The following SPI1 variants were observed in gnomAD, a reference collection of about 807,000 sequenced individuals.
SPI1 encodes transcription factor PU.1.
A neutral mutation model predicts 30.7 loss-of-function variants in SPI1; 3 were observed. The ratio of observed to expected loss-of-function variants is 0.10; its 90% CI spans 0.04 to 0.25. The LOEUF (loss-of-function observed/expected upper bound fraction) is 0.25, where lower values mean the gene tolerates loss of function less well. Ranked by LOEUF, SPI1 falls within the 10% of genes least tolerant of loss-of-function variation. The pLI is 1.00. For missense variants in SPI1, 261 were observed against 371.5 expected, an observed-to-expected ratio of 0.70 and a Z score of 2.45; for synonymous variants, 169 against 157.1, an observed-to-expected ratio of 1.08 and a Z score of -0.56.
Position 47,365,647 on chromosome 11 carries a change from A to G in SPI1, c.143-5607T>C, listed in dbSNP as rs575315244. 2.6e-5 allele frequency among the ~76,000 whole-genome samples: 4 copies of G among 152,126 alleles called. No homozygotes were observed. The South Asian group carries it at 6.2e-4, about 24-fold the overall frequency. Reference sequence around the variant, plus strand: ...CTATACCATAGCACCTCTGAGAAACAAGATGATTAATGAAAACTTTCAGTA... The same window carrying G: ...CTATACCATAGCACCTCTGAGAAACGAGATGATTAATGAAAACTTTCAGTA... On this transcript the variant is annotated intron_variant, in intron 2 of 4. Transcript: ENST00000378538.
At chr11:47,367,540 T>G (rs2142891669) in intron 2 of SPI1, among the ~76,000 whole-genome samples, 2 of 109,714 alleles carry the variant, frequency 1.8e-5, no homozygotes, top group East Asian at 2.5e-4. Context: ...GGCGACAGAG[T>G]GAGACTCTGC....
intron 4 of SPI1, 122 bp downstream of exon 4, chr11:47,358,722 C>T: frequency 1.0e-6 from 1 of 971,250 alleles, no homozygotes; most frequent in Non-Finnish European, 1.6e-6. Context: ...CACTGGCAAA[C>T]ATGCACACAC....
intron 4 of SPI1, among the ~76,000 whole-genome samples, chr11:47,357,248 A>T (rs544361692): frequency 6.7e-6 from 1 of 150,174 alleles, no homozygotes; most frequent in African/African-American, 2.5e-5. Context: ...CACATCACAC[A>T]TACCTGCTCA....
chr11:47,371,448 C>G (rs1484160100), intron 2 of SPI1, among the ~76,000 whole-genome samples: 1 of 10,344 alleles, frequency 9.7e-5, no homozygotes, highest in East Asian at 3.1e-3. Flanking sequence ...AGGAGGATCA[C>G]CTGAGGTCAG....
In SPI1 at chr11:47,355,557, G is replaced by C. The variant is rs764266471; in HGVS notation, c.494-11C>G. 46 of 1,559,378 alleles carry C rather than the reference G, an allele frequency of 2.9e-5. No individual in the cohort carries two copies. The Admixed American group carries it at 8.0e-4, about 27-fold the overall frequency. On this transcript the variant is annotated splice_polypyrimidine_tract_variant and intron_variant, in intron 4 of 4. Transcript: ENST00000378538. ...TCTTCTTCTTGCTGCCTGCGGGGGGGAGGGCCCGGTGGGAGGGGGCCCGGG... is the reference window on the plus strand; with the variant it reads ...TCTTCTTCTTGCTGCCTGCGGGGGGCAGGGCCCGGTGGGAGGGGGCCCGGG...
rs918981118 is a variant in SPI1, at chr11:47,378,237, G to T, written c.45+72C>A. 9 of 1,512,216 alleles carry T rather than the reference G, an allele frequency of 6.0e-6. No individual in the cohort carries two copies. In the East Asian group the frequency reaches 1.4e-4, roughly 23 times the overall value. The allele number at this position is 1,512,216 out of a possible 1,614,324, so 93.7% of individuals were successfully genotyped here. On this transcript the variant is annotated intron_variant, in intron 1 of 4. Transcript: ENST00000378538. Reference sequence around the variant, plus strand: ...AGCCAGGAGGGCAGTGGGTGGGCTGGCGGGTTCGTGGGCAGGCAGGCAGGC... The same window carrying T: ...AGCCAGGAGGGCAGTGGGTGGGCTGTCGGGTTCGTGGGCAGGCAGGCAGGC...
intron 1 of SPI1, among the ~76,000 whole-genome samples, chr11:47,377,196 T>TC (rs2095943576): frequency 6.6e-6 from 1 of 152,160 alleles, no homozygotes; most frequent in African/African-American, 2.4e-5. Context: ...TAGTACAGCC[T>TC]CGCTGCAGGA....
At chr11:47,367,040 TTAGA>T (rs2095929345) in intron 2 of SPI1, among the ~76,000 whole-genome samples, 3 of 152,150 alleles carry the variant, frequency 2.0e-5, no homozygotes, top group Admixed American at 2.0e-4. Flanking sequence ...TATATATTTA[TTAGA>T]TGGATAGGCC....
intron 4 of SPI1, 135 bp from the exon 5 acceptor site, chr11:47,355,681 G>T (rs1295664779): frequency 7.2e-6 from 5 of 694,420 alleles, no homozygotes; most frequent in Admixed American, 6.1e-5. Flanking sequence ...AGCCCGCGCC[G>T]GGCGTGCATA....
At chr11:47,357,032 C>T (rs1429726693) in intron 4 of SPI1, among the ~76,000 whole-genome samples, 2 of 151,252 alleles carry the variant, frequency 1.3e-5, no homozygotes, top group African/African-American at 4.9e-5. Context: ...CACCAAGTCT[C>T]ACACACACTT....
rs1023076391 is a variant in SPI1 at position 47,375,140 on chromosome 11, C to T, written c.142+493G>A. On this transcript the variant is annotated intron_variant, in intron 2 of 4. Transcript: ENST00000378538. The surrounding 1 kb of genome is among the most constrained non-coding windows in gnomAD (Gnocchi z 4.2). ...CCAGGAATCATCCCACCCAAAATGT[C>T]AGCAGTGCCACAGTTAGGAAACCCT... Among the ~76,000 whole-genome samples the T allele has an allele frequency of 6.6e-6, 1 of 152,188 alleles. No homozygotes were observed. Among genetic ancestry groups the T allele is most frequent in the Admixed American group, 6.5e-5 (1 of 15,280 alleles).
In SPI1 at chr11:47,359,945, G is replaced by T; in HGVS notation, c.238C>A (p.Gln80Lys). Residue 80 changes from glutamine to lysine, a missense_variant, in exon 3 of 5, where the codon CAG becomes AAG. Gln to Lys is a moderately conservative substitution (Grantham distance 53, BLOSUM62 1). Around this residue, in one of 5 missense-constraint regions of SPI1, gnomAD observed 10 missense variants for 31.6 expected, o/e 0.32. Transcript: ENST00000378538. The surrounding 1 kb of genome is among the most constrained non-coding windows in gnomAD (Gnocchi z 5.1). ...FTELQSVQPPQLQQLYRHMEL... is the reference protein window; with the variant it reads ...FTELQSVQPPKLQQLYRHMEL... ...ATGTGGCGGTAGAGCTGCTGCAGCT[G>T]CGGGGGCTGCACGCTCTGGAGCTCC... The T allele has an allele frequency of 6.2e-7, 1 of 1,611,774 alleles. No homozygotes were observed.
intron 4 of SPI1, among the ~76,000 whole-genome samples, chr11:47,357,337 GCTCA>G (rs1226070078): frequency 3.3e-5 from 3 of 91,312 alleles, no homozygotes; most frequent in Non-Finnish European, 6.8e-5. Context: ...ATTGACACCT[GCTCA>G]CTCATATTTC....
At chr11:47,358,566 C>T (rs575487687) in intron 4 of SPI1, 25 of 700,444 alleles carry the variant, frequency 3.6e-5, no homozygotes, top group South Asian at 3.4e-4. Flanking sequence ...ACCCTCTGCA[C>T]ACTTGCTCAC....
At chr11:47,357,931 C>T (rs2095914138) in intron 4 of SPI1, among the ~76,000 whole-genome samples, 1 of 151,934 alleles carries the variant, frequency 6.6e-6, no homozygotes, top group African/African-American at 2.4e-5. Flanking sequence ...CATACCTGTT[C>T]ACACACATGC....
chr11:47,357,099 A>ACT (rs1220718439), intron 4 of SPI1, among the ~76,000 whole-genome samples: 1 of 147,954 alleles, frequency 6.8e-6, no homozygotes, highest in Non-Finnish European at 1.5e-5. Flanking sequence ...CTAACACCTC[A>ACT]CACATTCACA....
chr11:47,355,996 T>C (rs989630063), intron 4 of SPI1, among the ~76,000 whole-genome samples: 9 of 148,848 alleles, frequency 6.0e-5, no homozygotes, highest in Admixed American at 3.3e-4. Flanking sequence ...CGCTCACACG[T>C]ACAATGTATC....
Position 47,375,960 on chromosome 11 carries a change from C to G in SPI1, c.46-231G>C, listed in dbSNP as rs2095941774. Among the ~76,000 whole-genome samples the G allele has an allele frequency of 6.6e-6, 1 of 151,904 alleles. No individual in the cohort carries two copies. The highest frequency in any genetic ancestry group is 2.4e-5 in the African/African-American group (1 of 41,294). Reference sequence around the variant, plus strand: ...GAGAGGTCAGAAGAGGACCAGGGTCCCCCTCTGCTGGGCTACTCCCCATAG... The same window carrying G: ...GAGAGGTCAGAAGAGGACCAGGGTCGCCCTCTGCTGGGCTACTCCCCATAG... On this transcript the variant is annotated intron_variant, in intron 1 of 4. Coordinates refer to ENST00000378538, the MANE Select transcript of SPI1 (RefSeq NM_003120.3). The surrounding 1 kb of genome is among the most constrained non-coding windows in gnomAD (Gnocchi z 4.2).
chr11:47,377,534 C>T (rs1448731581), intron 1 of SPI1, among the ~76,000 whole-genome samples: 2 of 152,078 alleles, frequency 1.3e-5, no homozygotes, highest in Non-Finnish European at 2.9e-5. Context: ...CCCACTTCTT[C>T]ACCCCCAAGA....
Sources: allele counts gnomAD v4.1 joint callset (sites outside exome capture counted in the v4.1 genomes callset), GRCh38; gene constraint gnomAD v4.1.1; regional missense constraint gnomAD v4.1.1; non-coding constraint Gnocchi (gnomAD v3.1); transcripts MANE v1.5; gene names NCBI Gene and HGNC (gene_info 2026-07-23, HGNC 2026-07-21).